Variants in HS3ST3B1 observed in about 807,000 individuals in gnomAD.
HS3ST3B1 encodes heparan sulfate-glucosamine 3-sulfotransferase 3B1, also known as heparan sulfate glucosamine 3-O-sulfotransferase 3B1.
Under a neutral mutation model 21.3 loss-of-function variants are expected in HS3ST3B1, and 13 were observed. The ratio of observed to expected loss-of-function variants is 0.61; its 90% CI spans 0.40 to 0.97. The LOEUF is 0.97. Among genes scored for constraint, HS3ST3B1 ranks in the 50% least tolerant of loss-of-function variants. The pLI is 0.00. For missense variants in HS3ST3B1, 459 were observed against 554.8 expected (o/e 0.83, Z 1.73); for synonymous variants, 234 against 254.8 (o/e 0.92, Z 0.78).
intron 1 of HS3ST3B1, among the ~76,000 whole-genome samples, chr17:14,313,225 C>T (rs1278270119): frequency 6.6e-6 from 1 of 151,706 alleles, no homozygotes; most frequent in Admixed American, 6.6e-5. Context: ...GCCTTGGCCT[C>T]TCAAAGTGCT....
At chr17:14,313,206 G>A (rs1909387726) in intron 1 of HS3ST3B1, among the ~76,000 whole-genome samples, 1 of 150,520 alleles carries the variant, frequency 6.6e-6, no homozygotes, top group Admixed American at 6.7e-5. Flanking sequence ...CTGACCTTGT[G>A]ATCCACCCGC....
intron 1 of HS3ST3B1, 60 bp downstream of exon 1, chr17:14,302,132 G>A: frequency 6.6e-7 from 1 of 1,511,918 alleles, no homozygotes; most frequent in Admixed American, 2.1e-5. Context: ...AGCTAAGGGA[G>A]ACATGGCGTA....
At chr17:14,339,801 G>A (rs1158629090) in intron 1 of HS3ST3B1, among the ~76,000 whole-genome samples, 1 of 152,198 alleles carries the variant, frequency 6.6e-6, no homozygotes, top group African/African-American at 2.4e-5. Context: ...ACAGGCTGCT[G>A]AGGTTGCTGG....
chr17:14,316,532 A>T (rs1351590493), intron 1 of HS3ST3B1, among the ~76,000 whole-genome samples: 1 of 151,924 alleles, frequency 6.6e-6, no homozygotes, highest in Non-Finnish European at 1.5e-5. Flanking sequence ...GAAAAGGTGA[A>T]GCTTTTTTCC....
Position 14,322,193 on chromosome 17 carries a change from G to T in HS3ST3B1, c.554+20121G>T, listed in dbSNP as rs981460922. On this transcript the variant is annotated intron_variant, in intron 1 of 1. Transcript: ENST00000360954. ...ATATTTGAGCATTTTGATCTAGGAG[G>T]TTCTTAGAAATGTAGAGAAGTGGGA... is the stretch of plus-strand genomic sequence containing the variant. 1.8e-4 allele frequency among the ~76,000 whole-genome samples: 28 copies of T among 152,162 alleles called. No individual in the cohort carries two copies. In the East Asian group the frequency reaches 5.2e-3, roughly 28 times the overall value.
intron 1 of HS3ST3B1, among the ~76,000 whole-genome samples, chr17:14,337,331 G>T (rs1049187890): frequency 9.3e-5 from 11 of 118,454 alleles, no homozygotes; most frequent in African/African-American, 3.4e-4. Context: ...ATCCTGATTG[G>T]ATTTTTTTTT....
At chr17:14,326,005 CTG>C (rs57813662) in intron 1 of HS3ST3B1, among the ~76,000 whole-genome samples, 20 of 150,806 alleles carry the variant, frequency 1.3e-4, no homozygotes, top group East Asian at 3.9e-4. Flanking sequence ...TATGATGACT[CTG>C]TGTGTGTGTG....
At chr17:14,336,988 T>C (rs1200302541) in intron 1 of HS3ST3B1, among the ~76,000 whole-genome samples, 1 of 152,176 alleles carries the variant, frequency 6.6e-6, no homozygotes, top group Non-Finnish European at 1.5e-5. Context: ...AGGCATCCGA[T>C]GGCGAGAGGC....
At chr17:14,319,823 G>A (rs991215284) in intron 1 of HS3ST3B1, among the ~76,000 whole-genome samples, 1 of 151,992 alleles carries the variant, frequency 6.6e-6, no homozygotes. Context: ...GGTGGTGTTT[G>A]GCTACATGGA....
rs1221393615 is a variant in HS3ST3B1, at chr17:14,330,090, A to G, written c.555-14938A>G. The stretch of plus-strand genomic sequence containing the variant: ...CTGAGGCCACACAGCCTGACCTTGA[A>G]CTCCACTTTTCTTTTGATTCACCAG... On this transcript the variant is annotated intron_variant, in intron 1 of 1. Transcript: ENST00000360954. Among the ~76,000 whole-genome samples, 3 of 151,616 alleles carry G rather than the reference A, an allele frequency of 2.0e-5. No homozygotes were observed. The East Asian group carries it at 5.8e-4, about 29-fold the overall frequency.
At chr17:14,308,539 G>A (rs1909201950) in intron 1 of HS3ST3B1, among the ~76,000 whole-genome samples, 1 of 152,150 alleles carries the variant, frequency 6.6e-6, no homozygotes, top group Non-Finnish European at 1.5e-5. Flanking sequence ...AAAGATTGCT[G>A]TTTGTAAAAA....
intron 1 of HS3ST3B1, chr17:14,329,377 AG>A (rs1909926719): frequency 7.5e-6 from 1 of 132,712 alleles, no homozygotes; most frequent in South Asian, 2.6e-4. Context: ...AAAGGAAGGA[AG>A]GAAGGAAGGA....
At chr17:14,329,413 GAA>G (rs1261617203) in intron 1 of HS3ST3B1, 35 of 143,820 alleles carry the variant, frequency 2.4e-4, no homozygotes, top group African/African-American at 8.3e-4. Flanking sequence ...GGAAAAGAGA[GAA>G]AGAGAGAGAG....
intron 1 of HS3ST3B1, among the ~76,000 whole-genome samples, chr17:14,340,126 C>G (rs9893855): frequency 0.43 from 64,861 of 151,574 alleles, 15,248 homozygotes; most frequent in African/African-American, 0.63. Flanking sequence ...CACTTGGGGT[C>G]ACAAAGGTTC....
intron 1 of HS3ST3B1, chr17:14,305,294 A>G (rs574403191): frequency 6.6e-6 from 1 of 152,346 alleles, no homozygotes; most frequent in African/African-American, 2.4e-5. Flanking sequence ...GCAGACACCA[A>G]TGAGAACCTC....
At position 14,313,111 on chromosome 17, in the gene HS3ST3B1, T is replaced by TATATATATAC. The variant is rs1555548205; in HGVS notation, c.554+11048_554+11049insCATATATATA. 2.2e-3 allele frequency among the ~76,000 whole-genome samples: 248 copies of TATATATATAC among 115,062 alleles called. 1 individual carries two copies. Among genetic ancestry groups the TATATATATAC allele is most frequent in the African/African-American group, 8.3e-3 (236 of 28,546 alleles). The allele number at this position is 115,062 out of a possible 152,430, so 75.5% of individuals were successfully genotyped here. A position where few individuals can be genotyped will look rare whatever the true frequency, so the allele number is the denominator to read the frequency against. ...TGTGTGTGGTGTGTGTGTGTGTGTATATATATATATATGTGTGTGTGTGTA... is the reference window on the plus strand; with the variant it reads ...TGTGTGTGGTGTGTGTGTGTGTGTATATATATATACATATATATATATGTGTGTGTGTGTA... On this transcript the variant is annotated intron_variant, in intron 1 of 1. Coordinates refer to ENST00000360954, the MANE Select transcript of HS3ST3B1 (RefSeq NM_006041.3).
At chr17:14,334,971 G>A (rs1241037601) in intron 1 of HS3ST3B1, among the ~76,000 whole-genome samples, 1 of 152,100 alleles carries the variant, frequency 6.6e-6, no homozygotes, top group Admixed American at 6.5e-5. Flanking sequence ...GAGTGGGGAG[G>A]GGGGAAATCT....
At chr17:14,307,425 C>T (rs886959944) in intron 1 of HS3ST3B1, among the ~76,000 whole-genome samples, 1 of 145,178 alleles carries the variant, frequency 6.9e-6, no homozygotes, top group East Asian at 2.0e-4. Flanking sequence ...AAAAAAAAAA[C>T]TTTTTAATAT....
chr17:14,342,568 G>A (rs1455812995), intron 1 of HS3ST3B1, among the ~76,000 whole-genome samples: 1 of 152,084 alleles, frequency 6.6e-6, no homozygotes, highest in East Asian at 1.9e-4. Flanking sequence ...CAGTAGTAGT[G>A]GCTGATATTT....
Sources: allele counts gnomAD v4.1 joint callset (sites outside exome capture counted in the v4.1 genomes callset), GRCh38; gene constraint gnomAD v4.1.1; transcripts MANE v1.5; gene names NCBI Gene and HGNC (gene_info 2026-07-23, HGNC 2026-07-21).